ATXN7: variants seen among roughly 807,000 people sequenced by gnomAD.
ATXN7 encodes ataxin 7.
ATXN7 carries 12 observed loss-of-function variants against 70.5 expected under a neutral mutation model. That is an observed-to-expected ratio of 0.17 (90% CI 0.11 to 0.28). The LOEUF (loss-of-function observed/expected upper bound fraction) is 0.28. Among genes scored for constraint, ATXN7 ranks in the 10% least tolerant of loss-of-function variants. The pLI, the probability that ATXN7 is intolerant of heterozygous loss-of-function variation, is 1.00. For synonymous variants in ATXN7, 498 were observed against 448.7 expected (o/e 1.11, Z -1.39); for missense variants, 1,256 against 1,131.7 (o/e 1.11, Z -1.58).
chr3:63,906,248 C>T (rs914033333), intron 2 of ATXN7, among the ~76,000 whole-genome samples: 1 of 152,170 alleles, frequency 6.6e-6, no homozygotes, highest in African/African-American at 2.4e-5. Flanking sequence ...GGTGCAAAGA[C>T]AGAATGTGGG....
At chr3:63,943,234 A>G (rs2074799942) in intron 4 of ATXN7, among the ~76,000 whole-genome samples, 1 of 152,240 alleles carries the variant, frequency 6.6e-6, no homozygotes, top group Non-Finnish European at 1.5e-5. Context: ...GGGTTGGCAT[A>G]ATTGTCAAGG....
chr3:63,923,564 T>C (rs1303761622), intron 4 of ATXN7, among the ~76,000 whole-genome samples: 4 of 152,100 alleles, frequency 2.6e-5, no homozygotes, highest in African/African-American at 9.7e-5. Context: ...CCTAGCACTT[T>C]GGGAGACTGA....
chr3:63,894,541 TGA>T (rs1703387360), intron 1 of ATXN7, among the ~76,000 whole-genome samples: 1 of 152,206 alleles, frequency 6.6e-6, no homozygotes. Flanking sequence ...GTTTTGTTTT[TGA>T]GTTAGAGTCT....
In ATXN7 at chr3:63,933,402, C is replaced by G. The variant is rs141611944; in HGVS notation, c.395-18977C>G. ...TAAAGGAAGAATTAATTGTAGGCTT[C>G]CTGGTTATAATAATGTTCTTCATCC... On this transcript the variant is annotated intron_variant, in intron 4 of 12. Transcript: ENST00000674280. Among the ~76,000 whole-genome samples the G allele has an allele frequency of 5.3e-5, 8 of 152,264 alleles. 1 individual carries two copies. The East Asian group carries it at 1.5e-3, about 29-fold the overall frequency.
intron 2 of ATXN7, among the ~76,000 whole-genome samples, chr3:63,909,126 C>T (rs1466582179): frequency 6.6e-6 from 1 of 152,216 alleles, no homozygotes; most frequent in Non-Finnish European, 1.5e-5. Context: ...ACTCATTATT[C>T]AAGCCATATA....
intron 8 of ATXN7, among the ~76,000 whole-genome samples, chr3:63,985,071 T>C (rs2075552442): frequency 6.6e-6 from 1 of 152,342 alleles, no homozygotes; most frequent in East Asian, 1.9e-4. Context: ...TTGTCTATTA[T>C]AAATAATACT....
At chr3:63,944,958 A>AT (rs1363990956) in intron 4 of ATXN7, among the ~76,000 whole-genome samples, 13 of 152,032 alleles carry the variant, frequency 8.6e-5, no homozygotes, top group Non-Finnish European at 1.8e-4. Flanking sequence ...CACCCAACTA[A>AT]TTTTTGTAAT....
chr3:63,950,571 C>G (rs2074936719), intron 4 of ATXN7, among the ~76,000 whole-genome samples: 1 of 152,160 alleles, frequency 6.6e-6, no homozygotes, highest in Non-Finnish European at 1.5e-5. Flanking sequence ...TTAGATGTAT[C>G]AGAGGCATTT....
chr3:64,003,129 A>G lies in ATXN7; in HGVS notation c.*3662A>G, dbSNP rs1189945493. 1 of 151,922 alleles carries G rather than the reference A, an allele frequency of 6.6e-6. No individual in the cohort carries two copies. Among genetic ancestry groups the G allele is most frequent in the Non-Finnish European group, 1.5e-5 (1 of 68,004 alleles). 9.4% of individuals were successfully genotyped at this position (151,922 alleles called of 1,614,324 possible). A position where few individuals can be genotyped will look rare whatever the true frequency, so the allele number is the denominator to read the frequency against. On this transcript the variant is annotated 3_prime_UTR_variant, in exon 13 of 13. Coordinates refer to ENST00000674280, the MANE Select transcript of ATXN7 (RefSeq NM_001377405.1). ...TAATCACTTTTACATTTTGTGCAAA[A>G]CATTTTACATTTTCAGATAATTTAA...
intron 5 of ATXN7, among the ~76,000 whole-genome samples, chr3:63,955,338 G>A (rs1037313937): frequency 6.6e-6 from 1 of 152,142 alleles, no homozygotes; most frequent in African/African-American, 2.4e-5. Context: ...AAATGTGTAA[G>A]GAATGCCCTC....
chr3:63,884,049 A>G (rs1702997383), intron 1 of ATXN7, among the ~76,000 whole-genome samples: 1 of 152,182 alleles, frequency 6.6e-6, no homozygotes, highest in Admixed American at 6.6e-5. Flanking sequence ...TAGTTCATGT[A>G]GAAATTTTAA....
Position 63,980,090 on chromosome 3 carries a change from C to G in ATXN7, c.675C>G (p.Pro225=), listed in dbSNP as rs774931594. ...CAAGTTCCAAGTTGTTGAAATCACC[C>G]AAAGAGAAACTGCAGCTCAGGGGGA... The part of the protein sequence containing the change: ...SSSSSKLLKS[P]KEKLQLRGNT... The change falls in exon 6 of 13, where the codon CCC becomes CCG. Residue 225 remains proline, a synonymous_variant. Transcript: ENST00000674280. The G allele has an allele frequency of 6.2e-7, 1 of 1,614,008 alleles. No individual in the cohort carries two copies. Among genetic ancestry groups the G allele is most frequent in the Non-Finnish European group, 8.5e-7 (1 of 1,180,052 alleles).
At chr3:63,866,034 A>G (rs928819243) in intron 1 of ATXN7, among the ~76,000 whole-genome samples, 2 of 150,122 alleles carry the variant, frequency 1.3e-5, no homozygotes, top group South Asian at 2.1e-4. Context: ...TAATATTTTC[A>G]TGGGAAAGTA....
intron 2 of ATXN7, chr3:63,902,100 T>C: frequency 6.6e-6 from 1 of 152,132 alleles, no homozygotes; most frequent in Admixed American, 6.5e-5. Flanking sequence ...CTAAATGTCA[T>C]CAAATTGCAC....
chr3:63,899,718 A>C (rs972416088), intron 2 of ATXN7, among the ~76,000 whole-genome samples: 2 of 152,010 alleles, frequency 1.3e-5, no homozygotes, highest in African/African-American at 4.8e-5. Context: ...GGTTCACGCA[A>C]TTCTGCCGCC....
At chr3:63,986,591 G>A (rs1045363090) in intron 8 of ATXN7, among the ~76,000 whole-genome samples, 3 of 152,152 alleles carry the variant, frequency 2.0e-5, no homozygotes, top group Non-Finnish European at 4.4e-5. Flanking sequence ...GCATTTGAGC[G>A]TCAGGTACTC....
rs181487742 is a variant in ATXN7 at position 63,965,409 on chromosome 3, C to T, written c.499+12926C>T. Among the ~76,000 whole-genome samples the T allele has an allele frequency of 1.1e-3, 168 of 152,308 alleles. 2 individuals are homozygous for T. Among genetic ancestry groups the T allele is most frequent in the Admixed American group, 0.011 (163 of 15,300 alleles). The stretch of plus-strand genomic sequence containing the variant: ...CCAAACCTTGAGTGTTCCTCCTAGC[C>T]TCCTGCAAGTTTGCCTGTTTGCTGC... On this transcript the variant is annotated intron_variant, in intron 5 of 12. Transcript: ENST00000674280.
chr3:63,978,214 A>G (rs917531332), intron 5 of ATXN7, among the ~76,000 whole-genome samples: 27 of 152,222 alleles, frequency 1.8e-4, no homozygotes, highest in Admixed American at 5.9e-4. Context: ...GGACCTATGC[A>G]TCAGTGTTTT....
chr3:63,942,452 C>T lies in ATXN7; in HGVS notation c.395-9927C>T, dbSNP rs938439236. Among the ~76,000 whole-genome samples, 5 of 152,136 alleles carry T rather than the reference C, an allele frequency of 3.3e-5. No homozygotes were observed. In the South Asian group the frequency reaches 8.3e-4, roughly 25 times the overall value. ...TGTAAACTGTTTTATTTTTGTTATA[C>T]GTATCAACACTTCGCAGGGTTTTTT... On this transcript the variant is annotated intron_variant, in intron 4 of 12. Coordinates refer to ENST00000674280, the MANE Select transcript of ATXN7 (RefSeq NM_001377405.1).
Sources: allele counts gnomAD v4.1 joint callset (sites outside exome capture counted in the v4.1 genomes callset), GRCh38; gene constraint gnomAD v4.1.1; transcripts MANE v1.5; gene names NCBI Gene and HGNC (gene_info 2026-07-23, HGNC 2026-07-21).